OLAH: variants seen among roughly 807,000 people sequenced by gnomAD.
The protein encoded by OLAH is oleoyl-ACP hydrolase.
In OLAH, 33 loss-of-function variants were observed where a neutral mutation model predicts 27.8. The observed-to-expected ratio is 1.19, with a 90% CI of 0.90 to 1.59. The LOEUF is 1.59. Among genes scored for constraint, OLAH ranks in the 40% most tolerant of loss-of-function variants. The pLI, the probability that OLAH is intolerant of heterozygous loss-of-function variation, is 0.00. For synonymous variants in OLAH, 120 were observed against 102.9 expected (o/e 1.17, Z -1.01); for missense variants, 359 against 310.8 (o/e 1.16, Z -1.17).
At chr10:15,048,928 C>T (rs1402699885) in intron 2 of OLAH, among the ~76,000 whole-genome samples, 1 of 151,806 alleles carries the variant, frequency 6.6e-6, no homozygotes, top group Non-Finnish European at 1.5e-5. Flanking sequence ...ATGGAGAAAC[C>T]CCGTCTCTAC....
intron 3 of OLAH, among the ~76,000 whole-genome samples, chr10:15,050,001 C>G (rs1227192068): frequency 6.6e-6 from 1 of 152,200 alleles, no homozygotes; most frequent in Non-Finnish European, 1.5e-5. Context: ...CTGCATTTGT[C>G]TTTGGTATAA....
chr10:15,035,257 C>G (rs1843824205), intron 1 of OLAH, among the ~76,000 whole-genome samples: 1 of 152,138 alleles, frequency 6.6e-6, no homozygotes, highest in Admixed American at 6.5e-5. Context: ...CTTCCAAATC[C>G]CGAGGCTGGT....
chr10:15,059,093 C>T (rs7082327), intron 3 of OLAH, among the ~76,000 whole-genome samples: 2 of 54,226 alleles, frequency 3.7e-5, no homozygotes, highest in Non-Finnish European at 4.1e-5. Context: ...CCTTCCCTCC[C>T]TCCCTCCCTC....
chr10:15,050,381 C>T (rs544358270), intron 3 of OLAH, among the ~76,000 whole-genome samples: 1 of 152,114 alleles, frequency 6.6e-6, no homozygotes, highest in South Asian at 2.1e-4. Context: ...GACGCTTGTG[C>T]CTCAGCCTCC....
At chr10:15,035,051 C>T (rs1016300250) in intron 1 of OLAH, among the ~76,000 whole-genome samples, 6 of 152,086 alleles carry the variant, frequency 3.9e-5, no homozygotes, top group Admixed American at 1.3e-4. Flanking sequence ...CCGCCCACCT[C>T]GGCCTCCCAA....
rs757504333 is a variant in OLAH, at chr10:15,065,666, C to T, written c.485C>T (p.Thr162Ile). Residue 162 changes from threonine (T) to isoleucine (I), a missense_variant, in exon 6 of 8, where the codon ACC becomes ATC. Physicochemically the swap from Thr to Ile is moderately conservative, Grantham distance 89. Transcript: ENST00000378228. ...ISHYLMEFGG[T>I]PKHFAEAKEF... The stretch of plus-strand genomic sequence containing the variant: ...CATTACCTTATGGAATTTGGAGGCA[C>T]CCCCAAGCATTTTGCTGAAGCCAAG... The T allele has an allele frequency of 5.0e-6, 8 of 1,613,898 alleles. No individual in the cohort carries two copies. Among genetic ancestry groups the T allele is most frequent in the African/African-American group, 1.3e-5 (1 of 75,018 alleles).
intron 3 of OLAH, among the ~76,000 whole-genome samples, chr10:15,054,099 C>T (rs1256637123): frequency 2.7e-5 from 4 of 145,488 alleles, no homozygotes; most frequent in African/African-American, 7.7e-5. Context: ...AGTTCAGTGG[C>T]GCAATCTCAG....
In OLAH at chr10:15,073,265, A is replaced by G; in HGVS notation, c.*36A>G. On this transcript the variant is annotated 3_prime_UTR_variant, in exon 8 of 8. Transcript: ENST00000378228. The stretch of plus-strand genomic sequence containing the variant: ...TTTCACTTTTAAAATAATCAAAGTA[A>G]TATCATACTCTTCTCAGTTATTCAG... 7.4e-7 allele frequency: 1 copy of G among 1,348,294 alleles called. No homozygotes were observed. Among genetic ancestry groups the G allele is most frequent in the South Asian group, 1.2e-5 (1 of 80,962 alleles). The allele number at this position is 1,348,294 out of a possible 1,614,324, so 83.5% of individuals were successfully genotyped here. A position where few individuals can be genotyped will look rare whatever the true frequency, so the allele number is the denominator to read the frequency against.
intron 3 of OLAH, chr10:15,056,891 A>G: frequency 6.5e-7 from 1 of 1,534,822 alleles, no homozygotes; most frequent in Non-Finnish European, 8.8e-7. Context: ...CTCCTGCTTC[A>G]GCCTACCCAT....
At chr10:15,068,957 T>C (rs981626041) in intron 6 of OLAH, among the ~76,000 whole-genome samples, 1 of 152,148 alleles carries the variant, frequency 6.6e-6, no homozygotes, top group African/African-American at 2.4e-5. Context: ...TCCAGACCTT[T>C]TCTCAGCAGT....
intron 4 of OLAH, 104 bp from the exon 5 acceptor site, chr10:15,064,299 A>T: frequency 1.5e-6 from 1 of 667,968 alleles, no homozygotes; most frequent in Non-Finnish European, 2.6e-6. Flanking sequence ...TTCATCTATT[A>T]CATGATCATT....
upstream of OLAH, among the ~76,000 whole-genome samples, chr10:15,039,391 A>G (rs1209910988): frequency 6.6e-6 from 1 of 152,186 alleles, no homozygotes. Context: ...CAGCCTGGCC[A>G]ACACCCTGAA....
intron 1 of OLAH, among the ~76,000 whole-genome samples, chr10:15,046,453 C>T (rs1445075490): frequency 1.3e-5 from 2 of 151,744 alleles, no homozygotes; most frequent in Admixed American, 1.3e-4. Context: ...TTTAGAATCC[C>T]TCTTTCTTGA....
At chr10:15,069,412 C>T (rs1430137837) in intron 6 of OLAH, among the ~76,000 whole-genome samples, 1 of 152,214 alleles carries the variant, frequency 6.6e-6, no homozygotes, top group African/African-American at 2.4e-5. Flanking sequence ...CCTCTTCCAG[C>T]AGCTTAAGGC....
chr10:15,035,625 A>AG (rs1237588011), intron 1 of OLAH, among the ~76,000 whole-genome samples: 1 of 152,078 alleles, frequency 6.6e-6, no homozygotes, highest in Non-Finnish European at 1.5e-5. Context: ...CACCTCCAGC[A>AG]GGGGGGATGA....
chr10:15,035,780 G>C (rs900124786), intron 1 of OLAH, among the ~76,000 whole-genome samples: 4 of 152,128 alleles, frequency 2.6e-5, no homozygotes, highest in African/African-American at 9.7e-5. Context: ...GGGAGAAAGG[G>C]GAGCATGGGC....
intron 3 of OLAH, among the ~76,000 whole-genome samples, chr10:15,056,606 T>C (rs559872424): frequency 5.8e-4 from 88 of 152,030 alleles, no homozygotes; most frequent in Non-Finnish European, 1.1e-3. Context: ...CCTTTCTTTC[T>C]TTCCTTCCTT....
chr10:15,053,751 G>T (rs1450854029), intron 3 of OLAH, among the ~76,000 whole-genome samples: 2 of 148,688 alleles, frequency 1.3e-5, no homozygotes, highest in Non-Finnish European at 1.5e-5. Context: ...GTCTTGCTCT[G>T]TTGCCCAGGC....
chr10:15,045,524 G>C (rs1253234848), intron 1 of OLAH, among the ~76,000 whole-genome samples: 2 of 152,104 alleles, frequency 1.3e-5, no homozygotes, highest in Non-Finnish European at 2.9e-5. Flanking sequence ...GTTGATGGTG[G>C]CTCTGGCCCA....
Sources: gnomAD v4.1 joint callset for allele counts (sites outside exome capture counted in the v4.1 genomes callset) on GRCh38, gnomAD v4.1.1 for gene constraint, MANE v1.5 for transcripts, NCBI Gene and HGNC (gene_info 2026-07-23, HGNC 2026-07-21) for gene names.